DNAH14: variants seen among roughly 807,000 people sequenced by gnomAD.
DNAH14 encodes dynein axonemal heavy chain 14.
Under a neutral mutation model 520.9 loss-of-function variants are expected in DNAH14, and 478 were observed. That is an observed-to-expected ratio of 0.92 (90% confidence interval 0.85 to 0.99). DNAH14 has a LOEUF of 0.99. DNAH14 is among the 50% of genes least tolerant of loss of function. The pLI, the probability that DNAH14 is intolerant of heterozygous loss-of-function variation, is 0.00. For missense variants in DNAH14, 4,831 were observed against 5,234.5 expected, an observed-to-expected ratio of 0.92 and a Z score of 2.38; for synonymous variants, 1,581 against 1,757.2, an observed-to-expected ratio of 0.90 and a Z score of 2.51.
chr1:225,180,950 G>A (rs1002782699), intron 36 of DNAH14, among the ~76,000 whole-genome samples: 7 of 152,124 alleles, frequency 4.6e-5, no homozygotes, highest in Middle Eastern at 3.2e-3. Flanking sequence ...GTACACAATA[G>A]GAATTTTTTC....
chr1:225,222,715 C>T (rs189140074), intron 41 of DNAH14, among the ~76,000 whole-genome samples: 27 of 152,232 alleles, frequency 1.8e-4, no homozygotes, highest in African/African-American at 6.3e-4. Flanking sequence ...TCTTCAAGCC[C>T]CCACCCGACC....
rs1376611051 is a variant in DNAH14 at position 225,364,874 on chromosome 1, G to C, written c.12070G>C (p.Val4024Leu). The C allele has an allele frequency of 2.6e-6, 4 of 1,546,948 alleles. No individual in the cohort carries two copies. In the African/African-American group the frequency reaches 5.5e-5, roughly 21 times the overall value. The change falls in exon 76 of 86, where the codon GTT becomes CTT. Residue 4024 changes from valine (V) to leucine (L), a missense_variant. By Grantham distance (32) the Val-to-Leu change is conservative. Coordinates refer to ENST00000682510, the MANE Select transcript of DNAH14 (RefSeq NM_001367479.1). The part of the protein sequence containing the change: ...SKSYSSFPIP[V>L]LKKGLKIAVE... ...ATCATACAGTTCTTTTCCAATTCCT[G>C]TTCTTAAAAAGGGTTTAAAGGTAAG...
chr1:225,129,509 T>C (rs12075556), intron 27 of DNAH14, among the ~76,000 whole-genome samples: 29,872 of 151,164 alleles, frequency 0.2, 6,077 homozygotes, highest in African/African-American at 0.51. Context: ...TCAGAAATAA[T>C]GCCGCATATC....
intron 41 of DNAH14, among the ~76,000 whole-genome samples, chr1:225,223,771 C>T (rs180834773): frequency 2.8e-4 from 42 of 152,270 alleles, no homozygotes; most frequent in Middle Eastern, 6.8e-3. Flanking sequence ...AGCTCACCAA[C>T]TTCATTGGAA....
At chr1:225,248,593 G>A (rs564737765) in intron 43 of DNAH14, among the ~76,000 whole-genome samples, 9 of 152,130 alleles carry the variant, frequency 5.9e-5, no homozygotes, top group South Asian at 2.1e-4. Context: ...AAAGAAAACA[G>A]AGTATATACC....
In DNAH14 at chr1:225,232,389, T is replaced by C. The variant is rs575196645; in HGVS notation, c.6518+1238T>C. On this transcript the variant is annotated intron_variant, in intron 42 of 85. Transcript: ENST00000682510. The surrounding 1 kb of genome is among the most constrained non-coding windows in gnomAD (Gnocchi z 4.2). Reference sequence around the variant, plus strand: ...GTAATATGATTAATGTGCTTGTACATGTCTCTTGGTACTTATATGCAATAG... The same window carrying C: ...GTAATATGATTAATGTGCTTGTACACGTCTCTTGGTACTTATATGCAATAG... Among the ~76,000 whole-genome samples, 1 of 152,148 alleles carries C rather than the reference T, an allele frequency of 6.6e-6. No individual in the cohort carries two copies. Among genetic ancestry groups the C allele is most frequent in the Admixed American group, 6.6e-5 (1 of 15,234 alleles).
chr1:225,293,490 A>G lies in DNAH14; in HGVS notation c.8469+3408A>G, dbSNP rs1234012974. Among the ~76,000 whole-genome samples the G allele has an allele frequency of 7.6e-5, 11 of 145,660 alleles. No homozygotes were observed. In the South Asian group the frequency reaches 2.2e-3, roughly 29 times the overall value. On this transcript the variant is annotated intron_variant, in intron 55 of 85. Coordinates refer to ENST00000682510, the MANE Select transcript of DNAH14 (RefSeq NM_001367479.1). ...ATATACCATGGAATACTATGCAGCC[A>G]TAAAAAAAGACCATATCCTTTGCTG... is the stretch of plus-strand genomic sequence containing the variant.
At chr1:225,236,270 A>G (rs1199599976) in intron 42 of DNAH14, among the ~76,000 whole-genome samples, 1 of 152,152 alleles carries the variant, frequency 6.6e-6, no homozygotes, top group Non-Finnish European at 1.5e-5. Context: ...TTTCTGCCTT[A>G]ATTTCATTAT....
Position 225,399,240 on chromosome 1 carries a change from G to A in DNAH14, c.13825G>A (p.Ala4609Thr). 1 of 1,551,450 alleles carries A rather than the reference G, an allele frequency of 6.4e-7. No individual in the cohort carries two copies. Among genetic ancestry groups the A allele is most frequent in the South Asian group, 1.2e-5 (1 of 84,036 alleles). The change falls in exon 86 of 86, where the codon GCA becomes ACA. Residue 4609 changes from alanine to threonine, a missense_variant. By Grantham distance (58) the Ala-to-Thr change is moderately conservative. Coordinates refer to ENST00000682510, the MANE Select transcript of DNAH14 (RefSeq NM_001367479.1). ...PPSHWITMRV[A>T]LLCEKNEK Reference sequence around the variant, plus strand: ...TAGTCACTGGATCACAATGCGGGTTGCATTGCTTTGTGAGAAGAATGAAAA... The same window carrying A: ...TAGTCACTGGATCACAATGCGGGTTACATTGCTTTGTGAGAAGAATGAAAA...
intron 60 of DNAH14, among the ~76,000 whole-genome samples, chr1:225,312,656 G>A (rs992178451): frequency 6.6e-5 from 10 of 152,122 alleles, no homozygotes; most frequent in African/African-American, 2.4e-4. Flanking sequence ...TAACATGAAA[G>A]GGTGTTGAAT....
At chr1:225,373,465 A>AAAGGAAGGGAGG (rs1166089336) in intron 77 of DNAH14, among the ~76,000 whole-genome samples, 4 of 151,378 alleles carry the variant, frequency 2.6e-5, no homozygotes, top group South Asian at 2.1e-4. Flanking sequence ...CTCCGTCAAG[A>AAAGGAAGGGAGG]AAGGAAGGGA....
intron 4 of DNAH14, among the ~76,000 whole-genome samples, chr1:224,960,588 A>G (rs564701445): frequency 3.3e-5 from 5 of 152,100 alleles, no homozygotes; most frequent in Non-Finnish European, 7.4e-5. Flanking sequence ...GGTTTTTTAC[A>G]TACAACTGTA....
At chr1:225,282,672 G>A (rs1024600954) in intron 54 of DNAH14, among the ~76,000 whole-genome samples, 2 of 152,208 alleles carry the variant, frequency 1.3e-5, no homozygotes, top group African/African-American at 4.8e-5. Flanking sequence ...ATGTGCCTCA[G>A]AAAGATGAGA....
chr1:224,982,004 T>C (rs997038434), intron 8 of DNAH14, among the ~76,000 whole-genome samples: 1 of 152,176 alleles, frequency 6.6e-6, no homozygotes, highest in Non-Finnish European at 1.5e-5. Flanking sequence ...GGGTAAATAC[T>C]AGGGACAATA....
chr1:225,089,442 CAAAAAA>C (rs1169182387), intron 21 of DNAH14, among the ~76,000 whole-genome samples: 19 of 29,898 alleles, frequency 6.4e-4, no homozygotes, highest in South Asian at 1.4e-3. Context: ...AAAACTCCGT[CAAAAAA>C]AAAAAAAAAA....
At chr1:225,313,177 G>C (rs1219585906) in intron 60 of DNAH14, among the ~76,000 whole-genome samples, 1 of 152,158 alleles carries the variant, frequency 6.6e-6, no homozygotes, top group East Asian at 1.9e-4. Flanking sequence ...TCTTGGGAGG[G>C]TGTATGTGTC....
Position 225,377,390 on chromosome 1 carries a change from C to A in DNAH14, c.12670C>A (p.Leu4224Met). 1 of 1,551,224 alleles carries A rather than the reference C, an allele frequency of 6.4e-7. No individual in the cohort carries two copies. The highest frequency in any genetic ancestry group is 8.7e-7 in the Non-Finnish European group (1 of 1,146,808). ...ETQGEKFIEN[L>M]IAMQPKTTTA... ...CCAGGGCGAAAAGTTTATTGAAAAT[C>A]TGATTGCCATGCAACCAAAAACTAC... is the stretch of plus-strand genomic sequence containing the variant. The change falls in exon 79 of 86, where the codon CTG becomes ATG. Residue 4224 changes from leucine (L) to methionine (M), a missense_variant. Transcript: ENST00000682510.
chr1:225,387,679 G>T (rs11580119), intron 81 of DNAH14, among the ~76,000 whole-genome samples: 76,488 of 151,938 alleles, frequency 0.5, 21,620 homozygotes, highest in East Asian at 0.74. Flanking sequence ...AGTAATGAGC[G>T]CCGTCAAAAG....
intron 55 of DNAH14, among the ~76,000 whole-genome samples, chr1:225,295,287 A>G (rs2093983571): frequency 6.6e-6 from 1 of 151,782 alleles, no homozygotes; most frequent in Non-Finnish European, 1.5e-5. Flanking sequence ...ATTTCCTTCT[A>G]CTAATTTTGG....
Sources: gnomAD v4.1 joint callset for allele counts (sites outside exome capture counted in the v4.1 genomes callset) on GRCh38, gnomAD v4.1.1 for gene constraint, Gnocchi (gnomAD v3.1) non-coding constraint, MANE v1.5 for transcripts, NCBI Gene and HGNC (gene_info 2026-07-23, HGNC 2026-07-21) for gene names.